The following TRIM26 variants were observed in gnomAD, a reference collection of about 807,000 sequenced individuals.
TRIM26 encodes the protein tripartite motif-containing protein 26.
In TRIM26, 16 loss-of-function variants were observed where a neutral mutation model predicts 45.5. That is an observed-to-expected ratio of 0.35 (90% confidence interval 0.24 to 0.53). The LOEUF (loss-of-function observed/expected upper bound fraction) is 0.53, where lower values mean the gene tolerates loss of function less well. Ranked by LOEUF, TRIM26 falls within the 20% of genes least tolerant of loss-of-function variation. The probability of loss-of-function intolerance (pLI) is 0.92; values close to 1 mark genes in which losing one functional copy is unlikely to be tolerated. For missense variants in TRIM26, 442 were observed against 691.1 expected (o/e 0.64, Z 4.04); for synonymous variants, 273 against 290.4 (o/e 0.94, Z 0.61).
At chr6:30,197,539 T>G (rs3778622) in intron 5 of TRIM26, among the ~76,000 whole-genome samples, 1 of 152,056 alleles carries the variant, frequency 6.6e-6, no homozygotes, top group Non-Finnish European at 1.5e-5. Context: ...CCCAACCCCA[T>G]CTCTAATCAA....
chr6:30,191,759 G>A (rs941586908), intron 6 of TRIM26, among the ~76,000 whole-genome samples: 8 of 152,214 alleles, frequency 5.3e-5, no homozygotes, highest in African/African-American at 1.9e-4. Context: ...CCCAGAGACT[G>A]GTAGCACATT....
chr6:30,198,470 C>G lies in TRIM26; in HGVS notation c.493G>C (p.Gly165Arg). The G allele has an allele frequency of 6.2e-7, 1 of 1,613,058 alleles. No individual in the cohort carries two copies. The highest frequency in any genetic ancestry group is 8.5e-7 in the Non-Finnish European group (1 of 1,180,034). The part of the protein sequence containing the change: ...TLRRDRDKIQ[G>R]FQAKGEADIL... The stretch of plus-strand genomic sequence containing the variant: ...TCAGCTTCTCCCTTTGCCTGGAAGC[C>G]CTGAATTTTGTCTCTGTCCCTCCTT... Residue 165 changes from glycine to arginine, a missense_variant, in exon 5 of 10, where the codon GGC becomes CGC. Transcript: ENST00000454678. The surrounding 1 kb of genome is among the most constrained non-coding windows in gnomAD (Gnocchi z 6.3).
chr6:30,209,276 C>A lies in TRIM26; in HGVS notation c.-376+4029G>T, dbSNP rs1172660714. Among the ~76,000 whole-genome samples, 1 of 152,078 alleles carries A rather than the reference C, an allele frequency of 6.6e-6. No individual in the cohort carries two copies. ...CATTTTAGCATCTCTGAAATGTGAT[C>A]AATTGCATGTCATAATTTAACTGGC... On this transcript the variant is annotated intron_variant, in intron 1 of 9. Transcript: ENST00000454678. This position sits in a 1 kb window ranked among gnomAD's most constrained non-coding sequence, Gnocchi z 4.8.
chr6:30,187,134 C>A, intron 9 of TRIM26: 1 of 286,832 alleles, frequency 3.5e-6, no homozygotes, highest in South Asian at 3.6e-5. Flanking sequence ...TGGACTCTAC[C>A]CCAATTACTG....
rs1775556816 is a variant in TRIM26, at chr6:30,189,296, CT to C, written c.905-98del. 3 of 1,589,852 alleles carry C rather than the reference CT, an allele frequency of 1.9e-6. No homozygotes were observed. The highest frequency in any genetic ancestry group is 2.6e-6 in the Non-Finnish European group (3 of 1,159,102). The stretch of plus-strand genomic sequence containing the variant: ...TCAATTTCCTGATAGGGATCCATGT[CT>C]AAGACAAGAGGCCCTCAGAAGAGTG... On this transcript the variant is annotated intron_variant, in intron 8 of 9. Transcript: ENST00000454678. The surrounding 1 kb of genome is among the most constrained non-coding windows in gnomAD (Gnocchi z 5.0).
chr6:30,185,357 T>G lies in TRIM26; in HGVS notation c.*519A>C. 6.5e-6 allele frequency: 1 copy of G among 154,512 alleles called. No homozygotes were observed. The highest frequency in any genetic ancestry group is 1.4e-5 in the Non-Finnish European group (1 of 69,798). 9.6% of individuals were successfully genotyped at this position (154,512 alleles called of 1,614,324 possible). A position where few individuals can be genotyped will look rare whatever the true frequency, so the allele number is the denominator to read the frequency against. On this transcript the variant is annotated 3_prime_UTR_variant, in exon 10 of 10. Coordinates refer to ENST00000454678, the MANE Select transcript of TRIM26 (RefSeq NM_003449.5). This position sits in a 1 kb window ranked among gnomAD's most constrained non-coding sequence, Gnocchi z 5.7. ...ATGGCCTGGGAAGCCTCAGTGGATT[T>G]TGTTTATTTTCAGCATTGCCATGTA... is the stretch of plus-strand genomic sequence containing the variant.
At chr6:30,205,198 G>A (rs983312017) in intron 1 of TRIM26, among the ~76,000 whole-genome samples, 13 of 152,072 alleles carry the variant, frequency 8.5e-5, no homozygotes, top group South Asian at 2.1e-4. Flanking sequence ...CTGAGATCAC[G>A]CCAATTGCAC....
In TRIM26 at chr6:30,184,775, T is replaced by G. The variant is rs1241242204; in HGVS notation, c.*1101A>C. 1.3e-5 allele frequency: 2 copies of G among 153,088 alleles called. No individual in the cohort carries two copies. Among genetic ancestry groups the G allele is most frequent in the Non-Finnish European group, 2.9e-5 (2 of 68,316 alleles). The allele number at this position is 153,088 out of a possible 1,614,324, so 9.5% of individuals were successfully genotyped here. A position where few individuals can be genotyped will look rare whatever the true frequency, so the allele number is the denominator to read the frequency against. ...TAAGGACAAGACTGGGAGATCAATTTGGCTGGAGCAGGGGAGCTTGTGTTA... is the reference window on the plus strand; with the variant it reads ...TAAGGACAAGACTGGGAGATCAATTGGGCTGGAGCAGGGGAGCTTGTGTTA... On this transcript the variant is annotated 3_prime_UTR_variant, in exon 10 of 10. Transcript: ENST00000454678.
chr6:30,188,693 G>A (rs1775481418), intron 9 of TRIM26: 1 of 192,434 alleles, frequency 5.2e-6, no homozygotes, highest in Non-Finnish European at 1.1e-5. Flanking sequence ...ACAATCCAAG[G>A]GGCACCATTC....
intron 1 of TRIM26, among the ~76,000 whole-genome samples, chr6:30,205,944 G>A (rs1391471885): frequency 6.6e-6 from 1 of 152,120 alleles, no homozygotes; most frequent in African/African-American, 2.4e-5. Context: ...TTTCATCCTG[G>A]CCTCCAGGGT....
intron 1 of TRIM26, among the ~76,000 whole-genome samples, chr6:30,210,768 T>C (rs1315854853): frequency 6.6e-6 from 1 of 152,228 alleles, no homozygotes; most frequent in Non-Finnish European, 1.5e-5. Flanking sequence ...GTGGTCTCTC[T>C]CTCTCTCAAA....
In TRIM26 at chr6:30,186,363, C is replaced by A. The variant is rs778079246; in HGVS notation, c.1133G>T (p.Gly378Val). 1.2e-6 allele frequency: 2 copies of A among 1,612,680 alleles called. No homozygotes were observed. The highest frequency in any genetic ancestry group is 1.7e-6 in the Non-Finnish European group (2 of 1,179,742). Residue 378 changes from glycine (G) to valine (V), a missense_variant, in exon 10 of 10, where the codon GGC becomes GTC. Gly to Val is a moderately radical substitution (Grantham distance 109). Coordinates refer to ENST00000454678, the MANE Select transcript of TRIM26 (RefSeq NM_003449.5). The surrounding 1 kb of genome is among the most constrained non-coding windows in gnomAD (Gnocchi z 7.4). ...CCCCTCTTCTTCATCCTCAGACCAG[C>A]CCTCCCTCTCCACTTCCACTTCCCA... ...VYWEVEVERE[G>V]WSEDEEEGDE...
intron 1 of TRIM26, 82 bp downstream of exon 1, chr6:30,213,222 GC>G (rs2127543772): frequency 6.6e-6 from 1 of 152,508 alleles, no homozygotes; most frequent in East Asian, 1.9e-4. Context: ...CCCGGGCCCG[GC>G]GGCTGCGTTG....
chr6:30,204,123 A>C (rs1190480863), intron 2 of TRIM26, among the ~76,000 whole-genome samples: 1 of 152,180 alleles, frequency 6.6e-6, no homozygotes, highest in Non-Finnish European at 1.5e-5. Context: ...GAAACACAGT[A>C]CCACTTCTAT....
intron 1 of TRIM26, among the ~76,000 whole-genome samples, chr6:30,211,532 GC>G (rs1778289556): frequency 6.6e-6 from 1 of 152,112 alleles, no homozygotes; most frequent in South Asian, 2.1e-4. Flanking sequence ...TTACTCCCCT[GC>G]AGGAAGTGAT....
At position 30,190,634 on chromosome 6, in the gene TRIM26, C is replaced by T. The variant is rs1256107855; in HGVS notation, c.766-599G>A. On this transcript the variant is annotated intron_variant, in intron 6 of 9. Coordinates refer to ENST00000454678, the MANE Select transcript of TRIM26 (RefSeq NM_003449.5). This position sits in a 1 kb window ranked among gnomAD's most constrained non-coding sequence, Gnocchi z 4.3. ...CAAGGTCTGGTCATGAGACTAAGTT[C>T]CAGCCAATGGAATGTGATAGAAAGC... Among the ~76,000 whole-genome samples, 1 of 152,160 alleles carries T rather than the reference C, an allele frequency of 6.6e-6. No individual in the cohort carries two copies. The highest frequency in any genetic ancestry group is 1.5e-5 in the Non-Finnish European group (1 of 68,016).
At position 30,186,573 on chromosome 6, in the gene TRIM26, G is replaced by GAAA. The variant is rs28381562; in HGVS notation, c.938-18_938-16dup. 0.028 allele frequency: 36,441 copies of GAAA among 1,320,374 alleles called. 4 individuals are homozygous for GAAA. Among genetic ancestry groups the GAAA allele is most frequent in the Non-Finnish European group, 0.03 (30,028 of 1,002,502 alleles). 81.8% of individuals were successfully genotyped at this position (1,320,374 alleles called of 1,614,324 possible). On this transcript the variant is annotated splice_polypyrimidine_tract_variant and intron_variant, in intron 9 of 9. Coordinates refer to ENST00000454678, the MANE Select transcript of TRIM26 (RefSeq NM_003449.5). The surrounding 1 kb of genome is among the most constrained non-coding windows in gnomAD (Gnocchi z 7.4). The stretch of plus-strand genomic sequence containing the variant: ...GGTGACGCTCACTGTGGGGACAAGG[G>GAAA]AAAAAAAAAAAAACAGCATCACTGT...
In TRIM26 at chr6:30,196,028, T is replaced by G. The variant is rs974920915; in HGVS notation, c.765+488A>C. Among the ~76,000 whole-genome samples the G allele has an allele frequency of 2.0e-5, 3 of 152,218 alleles. No individual in the cohort carries two copies. The highest frequency in any genetic ancestry group is 2.0e-4 in the Admixed American group (3 of 15,284). ...TCTTGTTCTCTGTGTGGTAATCCCATGGGCCAAAGAAAACCTGGCCATCTC... is the reference window on the plus strand; with the variant it reads ...TCTTGTTCTCTGTGTGGTAATCCCAGGGGCCAAAGAAAACCTGGCCATCTC... On this transcript the variant is annotated intron_variant, in intron 6 of 9. Coordinates refer to ENST00000454678, the MANE Select transcript of TRIM26 (RefSeq NM_003449.5). This position sits in a 1 kb window ranked among gnomAD's most constrained non-coding sequence, Gnocchi z 4.9.
intron 2 of TRIM26, among the ~76,000 whole-genome samples, chr6:30,201,629 A>G (rs1777180127): frequency 6.6e-6 from 1 of 152,146 alleles, no homozygotes; most frequent in Non-Finnish European, 1.5e-5. Context: ...GTGAATCACA[A>G]TGTCAGGAGA....
Sources: gnomAD v4.1 joint callset for allele counts (sites outside exome capture counted in the v4.1 genomes callset) on GRCh38, gnomAD v4.1.1 for gene constraint, Gnocchi (gnomAD v3.1) non-coding constraint, MANE v1.5 for transcripts, NCBI Gene and HGNC (gene_info 2026-07-23, HGNC 2026-07-21) for gene names.